The following TENM1 variants were observed in gnomAD, a reference collection of about 807,000 sequenced individuals.
The protein encoded by TENM1 is teneurin transmembrane protein 1.
A neutral mutation model predicts 174.8 loss-of-function variants in TENM1; 35 were observed. That is an observed-to-expected ratio of 0.20 (90% CI 0.15 to 0.27). The LOEUF is 0.27. Among genes scored for constraint, TENM1 ranks in the 10% least tolerant of loss-of-function variants. The pLI is 1.00. For missense variants in TENM1, 1,633 were observed against 2,130.1 expected, an observed-to-expected ratio of 0.77 and a Z score of 4.59; for synonymous variants, 781 against 798.7, an observed-to-expected ratio of 0.98 and a Z score of 0.37.
the TENM1 span, among the ~76,000 whole-genome samples, chrX:124,989,963 G>T: frequency 9.0e-6 from 1 of 111,570 alleles, no homozygotes; most frequent in Non-Finnish European, 1.9e-5. Context: ...CTCGTTACTT[G>T]AAAATAATCT....
intron 3 of TENM1, among the ~76,000 whole-genome samples, chrX:124,885,543 C>T (rs1218655639): frequency 9.1e-6 from 1 of 110,348 alleles, no homozygotes; most frequent in South Asian, 3.8e-4. Context: ...GGAAATTGCT[C>T]ACATTTTAAT....
the TENM1 span, among the ~76,000 whole-genome samples, chrX:124,995,623 G>T: frequency 9.0e-6 from 1 of 110,855 alleles, no homozygotes; most frequent in Non-Finnish European, 1.9e-5. Context: ...TTCACCAAGG[G>T]GAGTATATGA....
intron 6 of TENM1, among the ~76,000 whole-genome samples, chrX:124,655,652 C>T (rs1244402931): frequency 8.9e-6 from 1 of 112,303 alleles, no homozygotes; most frequent in Non-Finnish European, 1.9e-5. Flanking sequence ...CCCTAAAATA[C>T]CTCCATTATT....
intron 3 of TENM1, among the ~76,000 whole-genome samples, chrX:124,825,167 T>C (rs2056128210): frequency 1.1e-5 from 1 of 94,372 alleles, no homozygotes; most frequent in African/African-American, 4.0e-5. Context: ...TCTTTTTTTT[T>C]TTTTTTTTTT....
At chrX:124,843,360 C>G (rs1012376088) in intron 3 of TENM1, among the ~76,000 whole-genome samples, 1 of 111,678 alleles carries the variant, frequency 9.0e-6, no homozygotes, top group Non-Finnish European at 1.9e-5. Context: ...TCATCTAGAG[C>G]CACTTGTTGT....
chrX:124,869,991 T>C (rs998735796), intron 3 of TENM1, among the ~76,000 whole-genome samples: 7 of 111,610 alleles, frequency 6.3e-5, no homozygotes, highest in Non-Finnish European at 3.8e-5. Flanking sequence ...GGAGTGTTTG[T>C]AACTCAAAGG....
intron 1 of TENM1, among the ~76,000 whole-genome samples, chrX:124,924,028 T>C (rs757203112): frequency 9.1e-4 from 102 of 112,550 alleles, no homozygotes; most frequent in African/African-American, 3.2e-3. Flanking sequence ...TGCAATATTA[T>C]AAAATGTAAA....
chrX:125,023,761 C>A, the TENM1 span, among the ~76,000 whole-genome samples: 1 of 111,541 alleles, frequency 9.0e-6, no homozygotes, highest in Admixed American at 9.5e-5. Flanking sequence ...AGGCTAAGAC[C>A]TAGACTCTTA....
At chrX:124,927,642 C>T (rs1001579832) in intron 1 of TENM1, among the ~76,000 whole-genome samples, 3 of 111,310 alleles carry the variant, frequency 2.7e-5, no homozygotes, top group African/African-American at 9.8e-5. Context: ...ACTCGGCATA[C>T]CTATTAGAAT....
the TENM1 span, among the ~76,000 whole-genome samples, chrX:125,084,451 C>G: frequency 3.6e-5 from 4 of 110,847 alleles, no homozygotes; most frequent in African/African-American, 6.5e-5. Context: ...GTAGTATTAC[C>G]TATTAATGTA....
chrX:124,496,170 T>G (rs1260601352), intron 20 of TENM1, among the ~76,000 whole-genome samples: 1 of 110,804 alleles, frequency 9.0e-6, no homozygotes, highest in African/African-American at 3.3e-5. Flanking sequence ...TAGCCATATG[T>G]AGAAAGCTGA....
chrX:124,679,244 C>CT (rs2052170237), intron 5 of TENM1, among the ~76,000 whole-genome samples: 1 of 112,275 alleles, frequency 8.9e-6, no homozygotes, highest in Non-Finnish European at 1.9e-5. Context: ...TTTGTTTTCC[C>CT]TTTTTGTCAG....
chrX:125,146,051 G>A, the TENM1 span, among the ~76,000 whole-genome samples: 1 of 111,820 alleles, frequency 8.9e-6, no homozygotes, highest in Non-Finnish European at 1.9e-5. Flanking sequence ...TAAGACTTTA[G>A]AGTCATTAGA....
Position 124,615,459 on chromosome X carries a change from A to G in TENM1, c.2077+26332T>C, listed in dbSNP as rs139088698. 3.6e-3 allele frequency among the ~76,000 whole-genome samples: 377 copies of G among 104,710 alleles called. 1 individual carries two copies. Among genetic ancestry groups the G allele is most frequent in the African/African-American group, 0.014 (356 of 24,905 alleles). 90.9% of individuals were successfully genotyped at this position (104,710 alleles called of 115,157 possible). A position where few individuals can be genotyped will look rare whatever the true frequency, so the allele number is the denominator to read the frequency against. On this transcript the variant is annotated intron_variant, in intron 11 of 31. Coordinates refer to ENST00000422452, the Ensembl canonical transcript of TENM1. ...TTTCCTGATCTGTCAATTGTGAACA[A>G]TCATTTCCTCACAGGTTGTTGTACC...
At chrX:124,959,521 C>T (rs1320391208) in intron 1 of TENM1, among the ~76,000 whole-genome samples, 2 of 110,973 alleles carry the variant, frequency 1.8e-5, no homozygotes, top group African/African-American at 6.6e-5. Context: ...CCTGGGTAAT[C>T]TCATCCATCC....
chrX:124,631,922 T>TC (rs1207333070), intron 11 of TENM1, among the ~76,000 whole-genome samples: 1 of 103,132 alleles, frequency 9.7e-6, no homozygotes, highest in Non-Finnish European at 2.0e-5. Flanking sequence ...CATACAGTTT[T>TC]TTTTTTTTTT....
chrX:124,973,457 T>C, the TENM1 span, among the ~76,000 whole-genome samples: 1 of 111,727 alleles, frequency 9.0e-6, no homozygotes, highest in Non-Finnish European at 1.9e-5. Context: ...AATGGTAGCT[T>C]GATGGGGATA....
At chrX:124,388,111 C>T (rs2060243283) in intron 28 of TENM1, among the ~76,000 whole-genome samples, 1 of 111,912 alleles carries the variant, frequency 8.9e-6, no homozygotes. Context: ...CAGTTCCTTT[C>T]CACTCTCTTC....
intron 8 of TENM1, among the ~76,000 whole-genome samples, chrX:124,647,050 T>A (rs992213010): frequency 1.8e-5 from 2 of 111,175 alleles, no homozygotes; most frequent in Non-Finnish European, 3.8e-5. Flanking sequence ...CCAAAAAACA[T>A]CATTATCTCT....
Sources: gnomAD v4.1 joint callset for allele counts (sites outside exome capture counted in the v4.1 genomes callset) on GRCh38, gnomAD v4.1.1 for gene constraint, MANE v1.5 for transcripts, NCBI Gene and HGNC (gene_info 2026-07-23, HGNC 2026-07-21) for gene names.